PON3: variants seen among roughly 807,000 people sequenced by gnomAD.
The protein encoded by PON3 is serum paraoxonase/lactonase 3.
A neutral mutation model predicts 36.3 loss-of-function variants in PON3; 37 were observed. That is an observed-to-expected ratio of 1.02 (90% CI 0.78 to 1.34). The LOEUF (loss-of-function observed/expected upper bound fraction) is 1.34, where lower values mean the gene tolerates loss of function less well. PON3 is among the 40% of genes most tolerant of loss of function. The pLI is 0.00. For missense variants in PON3, 415 were observed against 426.5 expected, an observed-to-expected ratio of 0.97 and a Z score of 0.24; for synonymous variants, 155 against 154.8, an observed-to-expected ratio of 1.00 and a Z score of -0.01.
At chr7:95,375,213 T>C (rs1022430710) in intron 3 of PON3, among the ~76,000 whole-genome samples, 5 of 151,562 alleles carry the variant, frequency 3.3e-5, no homozygotes, top group African/African-American at 4.9e-5. Context: ...CAGATAATAG[T>C]AGTACTGAAG....
intron 3 of PON3, among the ~76,000 whole-genome samples, chr7:95,372,796 C>T (rs1332226661): frequency 2.0e-5 from 3 of 152,088 alleles, no homozygotes; most frequent in African/African-American, 7.2e-5. Context: ...GTTCCCATTC[C>T]TACATCGATT....
In PON3 at chr7:95,362,757, T is replaced by C; in HGVS notation, c.777+3A>G. On this transcript the variant is annotated splice_donor_region_variant and intron_variant, in intron 7 of 8. Coordinates refer to ENST00000265627, the MANE Select transcript of PON3 (RefSeq NM_000940.3). ...TTGTGTGGGCCAGACAGGGTACTCT[T>C]ACCTTCAGTTGAGTTAAATCCCAGT... The C allele has an allele frequency of 6.2e-7, 1 of 1,602,036 alleles. No homozygotes were observed. Among genetic ancestry groups the C allele is most frequent in the African/African-American group, 1.3e-5 (1 of 74,764 alleles).
In PON3 at chr7:95,372,267, A is replaced by C. The variant is rs1158927827; in HGVS notation, c.273T>G (p.Asn91Lys). 1 of 1,613,966 alleles carries C rather than the reference A, an allele frequency of 6.2e-7. No individual in the cohort carries two copies. Among genetic ancestry groups the C allele is most frequent in the Admixed American group, 1.7e-5 (1 of 60,004 alleles). ...EPGKIFLMDLNEQNPRAQALE... is the reference protein window; with the variant it reads ...EPGKIFLMDLKEQNPRAQALE... ...GCGCTTGTGCCCTTGGGTTTTGTTCATTCAGATCCATCAAGAAGATTTTTC... is the reference window on the plus strand; with the variant it reads ...GCGCTTGTGCCCTTGGGTTTTGTTCCTTCAGATCCATCAAGAAGATTTTTC... Residue 91 changes from asparagine (N) to lysine (K), a missense_variant, in exon 4 of 9, where the codon AAT (asparagine) becomes AAG (lysine). By Grantham distance (94) the Asn-to-Lys change is moderately conservative. Transcript: ENST00000265627.
intron 3 of PON3, 113 bp downstream of exon 3, chr7:95,390,041 C>T: frequency 8.8e-7 from 1 of 1,139,920 alleles, no homozygotes; most frequent in African/African-American, 1.5e-5. Context: ...ACTGGTTTAC[C>T]CGGAGGTGGG....
At chr7:95,362,976 G>T (rs1329228105) in intron 6 of PON3, 135 bp from the exon 7 acceptor site, 6 of 689,720 alleles carry the variant, frequency 8.7e-6, no homozygotes, top group Non-Finnish European at 1.6e-5. Context: ...CACAGTAAAA[G>T]AAGATAATGG....
chr7:95,393,067 T>C (rs1479646539), intron 2 of PON3, among the ~76,000 whole-genome samples: 4 of 152,196 alleles, frequency 2.6e-5, no homozygotes, highest in African/African-American at 9.7e-5. Flanking sequence ...AAACCACCTC[T>C]AAGACTAGGG....
intron 4 of PON3, among the ~76,000 whole-genome samples, chr7:95,369,851 C>G (rs1808772598): frequency 6.6e-6 from 1 of 152,034 alleles, no homozygotes; most frequent in African/African-American, 2.4e-5. Context: ...TAGAAAGGTA[C>G]ACAAATTGGA....
rs932188079 is a variant in PON3, at chr7:95,390,302, C to A, written c.146-93G>T. ...AACTACAAATATCTTTTGGAAACTTCTTTTGGAAATTGTTGACTTGTTCAA... is the reference window on the plus strand; with the variant it reads ...AACTACAAATATCTTTTGGAAACTTATTTTGGAAATTGTTGACTTGTTCAA... On this transcript the variant is annotated intron_variant, in intron 2 of 8. Transcript: ENST00000265627. The A allele has an allele frequency of 1.9e-5, 20 of 1,057,300 alleles. No homozygotes were observed. In the East Asian group the frequency reaches 3.5e-4, roughly 19 times the overall value. 65.5% of individuals were successfully genotyped at this position (1,057,300 alleles called of 1,614,324 possible).
intron 3 of PON3, among the ~76,000 whole-genome samples, chr7:95,382,978 G>A (rs1809096413): frequency 6.6e-6 from 1 of 152,086 alleles, no homozygotes; most frequent in African/African-American, 2.4e-5. Context: ...ACCAAATCCA[G>A]CAGCACATCA....
At chr7:95,379,882 T>C (rs965018180) in intron 3 of PON3, among the ~76,000 whole-genome samples, 1 of 152,140 alleles carries the variant, frequency 6.6e-6, no homozygotes, top group Admixed American at 6.5e-5. Flanking sequence ...CAGCTTGAGA[T>C]CTGAGAACAG....
chr7:95,374,018 T>A (rs1808864695), intron 3 of PON3, among the ~76,000 whole-genome samples: 1 of 152,124 alleles, frequency 6.6e-6, no homozygotes, highest in African/African-American at 2.4e-5. Context: ...GCAAGGGATC[T>A]AGGTTGGATG....
In PON3 at chr7:95,360,044, C is replaced by A; in HGVS notation, c.994G>T (p.Val332Leu). ...NNGSVLQGTS[V>L]ASVYHGKILI... ...ATTTTCCCATGGTACACAGAAGCCA[C>A]AGAGGTGCCCTGAAGCACAGAGCCA... Residue 332 changes from valine to leucine, a missense_variant, in exon 9 of 9, where the codon GTG (valine) becomes TTG (leucine). Coordinates refer to ENST00000265627, the MANE Select transcript of PON3 (RefSeq NM_000940.3). The A allele has an allele frequency of 1.2e-6, 2 of 1,612,882 alleles. No individual in the cohort carries two copies. Among genetic ancestry groups the A allele is most frequent in the Non-Finnish European group, 1.7e-6 (2 of 1,179,656 alleles).
intron 8 of PON3, among the ~76,000 whole-genome samples, chr7:95,360,793 T>C (rs17882955): frequency 6.6e-6 from 1 of 152,110 alleles, no homozygotes; most frequent in Non-Finnish European, 1.5e-5. Flanking sequence ...AGGAAAACAA[T>C]TAGAAATTTA....
chr7:95,363,793 T>C, intron 6 of PON3, 70 bp downstream of exon 6: 1 of 1,447,950 alleles, frequency 6.9e-7, no homozygotes, highest in Admixed American at 1.7e-5. Flanking sequence ...AGGAAGTAAC[T>C]TCCTCGTAAG....
At chr7:95,361,990 C>T (rs1369285182) in intron 8 of PON3, among the ~76,000 whole-genome samples, 1 of 152,098 alleles carries the variant, frequency 6.6e-6, no homozygotes, top group Non-Finnish European at 1.5e-5. Context: ...ATCCTTTAAT[C>T]TTAGCTTCAT....
At chr7:95,390,791 C>T (rs1397158834) in intron 2 of PON3, among the ~76,000 whole-genome samples, 1 of 152,100 alleles carries the variant, frequency 6.6e-6, no homozygotes, top group Non-Finnish European at 1.5e-5. Context: ...TAGTTTTCAG[C>T]ATTTTTTTCT....
At chr7:95,375,011 C>T (rs17885157) in intron 3 of PON3, among the ~76,000 whole-genome samples, 4,237 of 152,100 alleles carry the variant, frequency 0.028, 114 homozygotes, top group African/African-American at 0.068. Flanking sequence ...CCTTCCCAAC[C>T]TCCTCCCAAA....
In PON3 at chr7:95,372,189, A is replaced by G; in HGVS notation, c.351T>C (p.Ser117=). The change falls in exon 4 of 9, where the codon AGT becomes AGC. Residue 117 remains serine (S), a synonymous_variant. Coordinates refer to ENST00000265627, the MANE Select transcript of PON3 (RefSeq NM_000940.3). ...AGGTTTTACCTTTGTCGATGAAAAT[A>G]CTGATCCCATGTGGATTAAATAATT... ...DKELFNPHGI[S]IFIDKDNTVY... 6.2e-7 allele frequency: 1 copy of G among 1,613,682 alleles called. No homozygotes were observed. The highest frequency in any genetic ancestry group is 8.5e-7 in the Non-Finnish European group (1 of 1,179,688).
At position 95,394,694 on chromosome 7, in the gene PON3, C is replaced by G. The variant is rs772355424; in HGVS notation, c.95G>C (p.Arg32Pro). The stretch of plus-strand genomic sequence containing the variant: ...TTCAGGTTCTACTGGCTCCACTTCT[C>G]GAGAGGCATTCACCCTTTCTCTGTA... ...LAFRERVNAS[R>P]EVEPVEPENC... Residue 32 changes from arginine (R) to proline (P), a missense_variant, in exon 2 of 9, where the codon CGA becomes CCA. Arg to Pro is a moderately radical substitution (Grantham distance 103, BLOSUM62 -2). Transcript: ENST00000265627. 4 of 1,614,002 alleles carry G rather than the reference C, an allele frequency of 2.5e-6. No homozygotes were observed. Among genetic ancestry groups the G allele is most frequent in the Non-Finnish European group, 3.4e-6 (4 of 1,180,024 alleles).
Sources: gnomAD v4.1 joint callset for allele counts (sites outside exome capture counted in the v4.1 genomes callset) on GRCh38, gnomAD v4.1.1 for gene constraint, MANE v1.5 for transcripts, NCBI Gene and HGNC (gene_info 2026-07-23, HGNC 2026-07-21) for gene names.